TMEM108: variants seen among roughly 807,000 people sequenced by gnomAD.
TMEM108 encodes the protein transmembrane protein 108.
In TMEM108, 12 loss-of-function variants were observed where a neutral mutation model predicts 35.1. The observed-to-expected ratio is 0.34, with a 90% CI of 0.22 to 0.55. The LOEUF is 0.55. TMEM108 is among the 20% of genes least tolerant of loss of function. The pLI is 0.89. For synonymous variants in TMEM108, 287 were observed against 308.6 expected (o/e 0.93, Z 0.73); for missense variants, 680 against 753.3 (o/e 0.90, Z 1.14).
intron 2 of TMEM108, among the ~76,000 whole-genome samples, chr3:133,066,540 G>A (rs938098615): frequency 6.6e-6 from 1 of 152,174 alleles, no homozygotes; most frequent in African/African-American, 2.4e-5. Context: ...TATATGAAGC[G>A]TTGGGCATCC....
intron 3 of TMEM108, among the ~76,000 whole-genome samples, chr3:133,293,798 T>C (rs986202838): frequency 3.9e-5 from 6 of 152,158 alleles, no homozygotes; most frequent in Non-Finnish European, 5.9e-5. Context: ...ATTCCTCTTA[T>C]CTCACAGTGT....
intron 1 of TMEM108, among the ~76,000 whole-genome samples, chr3:133,040,647 T>C (rs1943264784): frequency 6.6e-6 from 1 of 152,162 alleles, no homozygotes; most frequent in South Asian, 2.1e-4. Flanking sequence ...CATTGTTTGT[T>C]TGGCCTGCGG....
At chr3:133,203,078 A>ATTTGGC (rs1347366119) in intron 2 of TMEM108, among the ~76,000 whole-genome samples, 3 of 151,932 alleles carry the variant, frequency 2.0e-5, no homozygotes, top group Non-Finnish European at 1.5e-5. Context: ...TTCACTCATG[A>ATTTGGC]TTTGGCTTTT....
intron 3 of TMEM108, among the ~76,000 whole-genome samples, chr3:133,312,148 C>A (rs149182838): frequency 0.02 from 3,114 of 152,302 alleles, 93 homozygotes; most frequent in African/African-American, 0.07. Flanking sequence ...GTCTGTCAGC[C>A]CCTACTGGGA....
chr3:133,133,997 C>T (rs1001461866), intron 2 of TMEM108, among the ~76,000 whole-genome samples: 2 of 151,980 alleles, frequency 1.3e-5, no homozygotes, highest in African/African-American at 2.4e-5. Flanking sequence ...CTCCTGACCT[C>T]GTGATCCACC....
intron 2 of TMEM108, among the ~76,000 whole-genome samples, chr3:133,207,167 A>T (rs142146991): frequency 3.3e-5 from 5 of 152,282 alleles, no homozygotes; most frequent in Non-Finnish European, 7.4e-5. Context: ...TGGGAAAAGC[A>T]TAGTATCTGC....
At chr3:133,046,822 AGCT>A (rs1943345194) in intron 2 of TMEM108, among the ~76,000 whole-genome samples, 1 of 147,986 alleles carries the variant, frequency 6.8e-6, no homozygotes, top group African/African-American at 2.5e-5. Context: ...ATATAAGAAA[AGCT>A]GAGGATGGTT....
At chr3:133,140,067 T>C (rs1163871108) in intron 2 of TMEM108, among the ~76,000 whole-genome samples, 1 of 152,234 alleles carries the variant, frequency 6.6e-6, no homozygotes, top group Non-Finnish European at 1.5e-5. Flanking sequence ...TAAATCCTTT[T>C]CAATTTGTTA....
intron 2 of TMEM108, among the ~76,000 whole-genome samples, chr3:133,070,741 A>ATG (rs1354545717): frequency 4.6e-5 from 4 of 86,186 alleles, no homozygotes; most frequent in Admixed American, 1.3e-4. Flanking sequence ...GCTTTCTCTG[A>ATG]TGTATGTGTG....
At chr3:133,092,361 T>C (rs1038105686) in intron 2 of TMEM108, among the ~76,000 whole-genome samples, 1 of 152,244 alleles carries the variant, frequency 6.6e-6, no homozygotes, top group Non-Finnish European at 1.5e-5. Flanking sequence ...TATTTTCTCC[T>C]AACCTCTTTT....
chr3:133,386,711 T>G (rs1309934347), intron 4 of TMEM108: 1 of 1,373,612 alleles, frequency 7.3e-7, no homozygotes. Flanking sequence ...ACAGTTAACA[T>G]CTTGTGTTTG....
At chr3:133,056,658 C>T (rs1474498175) in intron 2 of TMEM108, among the ~76,000 whole-genome samples, 1 of 152,132 alleles carries the variant, frequency 6.6e-6, no homozygotes, top group East Asian at 1.9e-4. Flanking sequence ...TCACACCTTC[C>T]CTAACCACAT....
intron 2 of TMEM108, among the ~76,000 whole-genome samples, chr3:133,129,569 C>G (rs1420629917): frequency 6.6e-6 from 1 of 152,138 alleles, no homozygotes; most frequent in Non-Finnish European, 1.5e-5. Context: ...CAGAGCCTGA[C>G]TTTCCTGGGA....
In TMEM108 at chr3:133,380,573, G is replaced by C; in HGVS notation, c.862G>C (p.Gly288Arg). 1 of 1,613,336 alleles carries C rather than the reference G, an allele frequency of 6.2e-7. No homozygotes were observed. The highest frequency in any genetic ancestry group is 1.1e-5 in the South Asian group (1 of 90,992). The change falls in exon 4 of 6, where the codon GGT becomes CGT. Residue 288 changes from glycine to arginine, a missense_variant. Coordinates refer to ENST00000321871, the MANE Select transcript of TMEM108 (RefSeq NM_023943.4). The surrounding 1 kb of genome is among the most constrained non-coding windows in gnomAD (Gnocchi z 5.3). ...CCTTCGCAGAGCAGCCCAGGGGGGT[G>C]GTTCTACCTTCACCAGCCAAGGAGG... is the stretch of plus-strand genomic sequence containing the variant. Reference protein sequence around the residue: ...PGLRRAAQGGGSTFTSQGGTP... With the variant: ...PGLRRAAQGGRSTFTSQGGTP...
chr3:133,187,366 G>A (rs887585870), intron 2 of TMEM108, among the ~76,000 whole-genome samples: 4 of 152,106 alleles, frequency 2.6e-5, no homozygotes, highest in Admixed American at 6.6e-5. Context: ...TAATAGATTG[G>A]TGTTATACGG....
intron 2 of TMEM108, among the ~76,000 whole-genome samples, chr3:133,078,249 C>A (rs545227895): frequency 6.6e-6 from 1 of 151,600 alleles, no homozygotes; most frequent in South Asian, 2.1e-4. Flanking sequence ...TTTTTGTGGA[C>A]GACAGGGCAT....
rs532256089 is a variant in TMEM108 at position 133,396,871 on chromosome 3, G to T, written c.*885G>T. On this transcript the variant is annotated 3_prime_UTR_variant, in exon 6 of 6. Transcript: ENST00000321871. ...AGCTTTGTTTTCTCAAAAGGCCATG[G>T]TATCGTGCCCCTGAGGAACATGTTT... 6.6e-6 allele frequency: 1 copy of T among 152,224 alleles called. No individual in the cohort carries two copies. Among genetic ancestry groups the T allele is most frequent in the African/African-American group, 2.4e-5 (1 of 41,532 alleles). The allele number at this position is 152,224 out of a possible 1,614,324, so 9.4% of individuals were successfully genotyped here. A position where few individuals can be genotyped will look rare whatever the true frequency, so the allele number is the denominator to read the frequency against.
chr3:133,234,698 A>G (rs4416380), intron 3 of TMEM108, among the ~76,000 whole-genome samples: 146,853 of 152,104 alleles, frequency 0.97, 71,077 homozygotes, highest in East Asian at 1. Context: ...CACAAGACAA[A>G]GATGCCCTCT....
chr3:133,365,767 G>A (rs1419995407), intron 3 of TMEM108, among the ~76,000 whole-genome samples: 1 of 152,104 alleles, frequency 6.6e-6, no homozygotes, highest in African/African-American at 2.4e-5. Context: ...CTATATCCCC[G>A]GCTGGAATGG....
Sources: gnomAD v4.1 joint callset for allele counts (sites outside exome capture counted in the v4.1 genomes callset) on GRCh38, gnomAD v4.1.1 for gene constraint, Gnocchi (gnomAD v3.1) non-coding constraint, MANE v1.5 for transcripts, NCBI Gene and HGNC (gene_info 2026-07-23, HGNC 2026-07-21) for gene names.